WASF3: variants seen among roughly 807,000 people sequenced by gnomAD.
WASF3 encodes actin-binding protein WASF3.
Under a neutral mutation model 46.6 loss-of-function variants are expected in WASF3, and 11 were observed. The ratio of observed to expected loss-of-function variants is 0.24; its 90% CI spans 0.15 to 0.39. The LOEUF (loss-of-function observed/expected upper bound fraction) is 0.39, where lower values mean the gene tolerates loss of function less well. Ranked by LOEUF, WASF3 falls within the 10% of genes least tolerant of loss-of-function variation. WASF3 has a pLI of 1.00. For missense variants in WASF3, 576 were observed against 669.8 expected, an observed-to-expected ratio of 0.86 and a Z score of 1.55; for synonymous variants, 242 against 259.7, an observed-to-expected ratio of 0.93 and a Z score of 0.65.
intron 2 of WASF3, among the ~76,000 whole-genome samples, chr13:26,627,744 T>C (rs934985783): frequency 6.6e-6 from 1 of 152,046 alleles, no homozygotes; most frequent in Non-Finnish European, 1.5e-5. Context: ...TATGCACTTA[T>C]ATATGTATAT....
intron 2 of WASF3, among the ~76,000 whole-genome samples, chr13:26,618,014 CTG>C (rs1341040232): frequency 1.3e-5 from 2 of 152,170 alleles, no homozygotes; most frequent in African/African-American, 2.4e-5. Context: ...CCACGTGAAA[CTG>C]TGATTCAATT....
chr13:26,645,940 A>G (rs1329874188), intron 3 of WASF3, among the ~76,000 whole-genome samples: 1 of 152,234 alleles, frequency 6.6e-6, no homozygotes, highest in Admixed American at 6.5e-5. Flanking sequence ...TGAAAGATCC[A>G]TGTAAGAACT....
chr13:26,657,275 G>A (rs1003861516), intron 3 of WASF3, among the ~76,000 whole-genome samples: 10 of 152,156 alleles, frequency 6.6e-5, no homozygotes, highest in African/African-American at 2.4e-4. Flanking sequence ...CTAAATCACT[G>A]CATTTTCCAA....
At chr13:26,663,421 T>G (rs1224977291) in intron 3 of WASF3, among the ~76,000 whole-genome samples, 1 of 152,222 alleles carries the variant, frequency 6.6e-6, no homozygotes, top group Non-Finnish European at 1.5e-5. Context: ...GGCTTTATTT[T>G]TTTGCCTTTG....
chr13:26,598,752 CTCTT>C (rs991401188), intron 1 of WASF3, among the ~76,000 whole-genome samples: 8 of 152,208 alleles, frequency 5.3e-5, no homozygotes, highest in African/African-American at 1.9e-4. Flanking sequence ...TGGGAGATTT[CTCTT>C]TGTTTTATAG....
In WASF3 at chr13:26,645,812, A is replaced by G. The variant is rs968873422; in HGVS notation, c.133+3409A>G. On this transcript the variant is annotated intron_variant, in intron 3 of 9. Transcript: ENST00000335327. ...GGAAATAACTGATGAGTACTTTAGA[A>G]TAGTTATGAAAAATTTATTGAGGGG... 3.3e-5 allele frequency among the ~76,000 whole-genome samples: 5 copies of G among 152,198 alleles called. No individual in the cohort carries two copies. In the South Asian group the frequency reaches 8.3e-4, roughly 25 times the overall value.
At chr13:26,562,907 T>C (rs1027551994) in intron 1 of WASF3, among the ~76,000 whole-genome samples, 1 of 71,872 alleles carries the variant, frequency 1.4e-5, no homozygotes, top group African/African-American at 5.8e-5. Context: ...TTTCTTTTCT[T>C]TTCTCTTTTC....
chr13:26,557,494 C>T (rs1409947929), upstream of WASF3, among the ~76,000 whole-genome samples: 1 of 141,668 alleles, frequency 7.1e-6, no homozygotes, highest in African/African-American at 2.6e-5. Context: ...AGGGTGAGAG[C>T]CACCGCCTCC....
intron 2 of WASF3, chr13:26,619,655 G>T (rs1038898919): frequency 6.6e-6 from 1 of 152,154 alleles, no homozygotes; most frequent in Admixed American, 6.6e-5. Flanking sequence ...TCAGCAACAA[G>T]GCAGTGTCAG....
intron 1 of WASF3, among the ~76,000 whole-genome samples, chr13:26,578,756 C>T (rs1330534398): frequency 2.0e-5 from 3 of 152,020 alleles, no homozygotes; most frequent in Non-Finnish European, 2.9e-5. Context: ...AAACTTCTTT[C>T]GTTTCATGTA....
At chr13:26,642,216 A>G (rs1223508612) in intron 2 of WASF3, 45 bp from the exon 3 acceptor site, 3 of 1,441,650 alleles carry the variant, frequency 2.1e-6, no homozygotes, top group Non-Finnish European at 2.7e-6. Flanking sequence ...CAGATTTGTT[A>G]AAATGTGAAT....
At chr13:26,575,366 A>T (rs1443168575) in intron 1 of WASF3, among the ~76,000 whole-genome samples, 1 of 152,040 alleles carries the variant, frequency 6.6e-6, no homozygotes, top group Non-Finnish European at 1.5e-5. Flanking sequence ...TTAGTTCTAC[A>T]GTTAAATACA....
chr13:26,546,141 A>G, the WASF3 span, among the ~76,000 whole-genome samples: 1 of 152,184 alleles, frequency 6.6e-6, no homozygotes, highest in Non-Finnish European at 1.5e-5. Context: ...GATCACAAAG[A>G]CAAGGCAGGA....
At chr13:26,632,319 A>C (rs568185740) in intron 2 of WASF3, among the ~76,000 whole-genome samples, 9 of 152,168 alleles carry the variant, frequency 5.9e-5, no homozygotes, top group Non-Finnish European at 1.3e-4. Flanking sequence ...TGTCATAAAT[A>C]GCTCTTATTA....
chr13:26,562,007 C>T (rs1593366074), intron 1 of WASF3, among the ~76,000 whole-genome samples: 1 of 152,032 alleles, frequency 6.6e-6, no homozygotes, highest in East Asian at 1.9e-4. Context: ...AAGTTGGTAC[C>T]AAGTTGTTAG....
intron 1 of WASF3, chr13:26,577,824 A>G (rs1008687852): frequency 6.6e-6 from 4 of 601,722 alleles, no homozygotes; most frequent in African/African-American, 1.9e-5. Flanking sequence ...GTTCTGTGCA[A>G]TTTAATCATG....
chr13:26,622,177 C>CA (rs1384441718), intron 2 of WASF3, among the ~76,000 whole-genome samples: 1 of 152,164 alleles, frequency 6.6e-6, no homozygotes. Context: ...ATGCAGCAAT[C>CA]AGAGCAAAGG....
chr13:26,573,268 A>G (rs1380744868), intron 1 of WASF3, among the ~76,000 whole-genome samples: 2 of 152,160 alleles, frequency 1.3e-5, no homozygotes, highest in African/African-American at 4.8e-5. Flanking sequence ...AGAGGTGTAC[A>G]GAGTACTTTC....
At chr13:26,597,965 C>T (rs2137196177) in intron 1 of WASF3, among the ~76,000 whole-genome samples, 1 of 152,234 alleles carries the variant, frequency 6.6e-6, no homozygotes, top group East Asian at 1.9e-4. Flanking sequence ...ATTTATAATC[C>T]TTTGGGTATA....
Sources: allele counts gnomAD v4.1 joint callset (sites outside exome capture counted in the v4.1 genomes callset), GRCh38; gene constraint gnomAD v4.1.1; transcripts MANE v1.5; gene names NCBI Gene and HGNC (gene_info 2026-07-23, HGNC 2026-07-21).